The following RBFOX1 variants were observed in gnomAD, a reference collection of about 807,000 sequenced individuals.
RBFOX1 encodes the protein RNA binding fox-1 homolog 1.
Under a neutral mutation model 57.7 loss-of-function variants are expected in RBFOX1, and 8 were observed. That is an observed-to-expected ratio of 0.14 (90% CI 0.08 to 0.25). RBFOX1 has a LOEUF of 0.25. RBFOX1 is among the 10% of genes least tolerant of loss of function. RBFOX1 has a pLI of 1.00. For synonymous variants in RBFOX1, 326 were observed against 222.4 expected, an observed-to-expected ratio of 1.47 and a Z score of -4.15; for missense variants, 611 against 548.5, an observed-to-expected ratio of 1.11 and a Z score of -1.14.
chr16:6,836,812 T>TA lies in RBFOX1; in HGVS notation c.-16+182168dup, dbSNP rs965995921. Among the ~76,000 whole-genome samples the TA allele has an allele frequency of 1.5e-4, 23 of 152,192 alleles. 1 individual carries two copies. Among genetic ancestry groups the TA allele is most frequent in the Admixed American group, 9.8e-4 (15 of 15,284 alleles). ...GTAATTAGAAAGTACAGATGTTTTT[T>TA]AAAAAATCAAGTAAATATTATGTGT... On this transcript the variant is annotated intron_variant, in intron 3 of 15. Transcript: ENST00000550418.
At chr16:6,581,250 C>T (rs2097533372) in intron 2 of RBFOX1, among the ~76,000 whole-genome samples, 1 of 152,146 alleles carries the variant, frequency 6.6e-6, no homozygotes, top group African/African-American at 2.4e-5. Context: ...TTTGCAAAGT[C>T]TGGCCACTTT....
At chr16:7,304,495 G>T (rs1329165278) in intron 4 of RBFOX1, 4 of 985,124 alleles carry the variant, frequency 4.1e-6, no homozygotes, top group Non-Finnish European at 3.6e-6. Context: ...GGTAAGGCGC[G>T]CGTCTGCCCT....
chr16:5,913,683 C>T (rs1333366772), intron 4 of RBFOX1, among the ~76,000 whole-genome samples: 1 of 152,212 alleles, frequency 6.6e-6, no homozygotes, highest in Non-Finnish European at 1.5e-5. Context: ...CAATGCAAAA[C>T]AGGCTAACAC....
chr16:6,820,498 A>AT (rs2091081949), intron 3 of RBFOX1, among the ~76,000 whole-genome samples: 1 of 152,078 alleles, frequency 6.6e-6, no homozygotes, highest in South Asian at 2.1e-4. Flanking sequence ...CTACAGAAAA[A>AT]GTTTTTAAAA....
intron 3 of RBFOX1, among the ~76,000 whole-genome samples, chr16:5,692,827 G>A (rs1182781813): frequency 1.3e-5 from 2 of 152,248 alleles, no homozygotes; most frequent in Non-Finnish European, 1.5e-5. Context: ...TCTGCAAGCC[G>A]AGTAAGAAAG....
At chr16:6,029,634 G>T (rs376260265) in intron 1 of RBFOX1, among the ~76,000 whole-genome samples, 1 of 152,006 alleles carries the variant, frequency 6.6e-6, no homozygotes, top group Non-Finnish European at 1.5e-5. Context: ...TTAGCCGGGC[G>T]TGGTGGCGGG....
At chr16:6,381,824 A>G (rs577209811) in intron 2 of RBFOX1, among the ~76,000 whole-genome samples, 2 of 152,316 alleles carry the variant, frequency 1.3e-5, no homozygotes, top group African/African-American at 4.8e-5. Context: ...TCGCATTATC[A>G]TGCATTCACC....
In RBFOX1 at chr16:6,060,122, G is replaced by GTTTTTTGTTTTTTTTTTTTTTTTTTT. The variant is rs1567355465; in HGVS notation, c.-127+40136_-127+40137insGTTTTTTTTTTTTTTTTTTTTTTTTT. On this transcript the variant is annotated intron_variant, in intron 1 of 15. Coordinates refer to ENST00000550418, the MANE Select transcript of RBFOX1 (RefSeq NM_018723.4). The stretch of plus-strand genomic sequence containing the variant: ...ATTTGGCCCTAAAATTAGGATTAGG[G>GTTTTTTGTTTTTTTTTTTTTTTTTTT]TTTTTTTTTTTTTTTTTTTTTTTTT... 3.7e-4 allele frequency among the ~76,000 whole-genome samples: 42 copies of GTTTTTTGTTTTTTTTTTTTTTTTTTT among 114,202 alleles called. 3 individuals are homozygous for GTTTTTTGTTTTTTTTTTTTTTTTTTT. The highest frequency in any genetic ancestry group is 2.4e-3 in the East Asian group (9 of 3,786). The allele number at this position is 114,202 out of a possible 152,430, so 74.9% of individuals were successfully genotyped here. A position where few individuals can be genotyped will look rare whatever the true frequency, so the allele number is the denominator to read the frequency against.
chr16:7,291,072 T>A (rs556091082), intron 4 of RBFOX1, among the ~76,000 whole-genome samples: 1 of 152,320 alleles, frequency 6.6e-6, no homozygotes, highest in East Asian at 1.9e-4. Flanking sequence ...AGAGCATATA[T>A]TTGGAGATGT....
chr16:6,621,817 A>C (rs996087794), intron 2 of RBFOX1, among the ~76,000 whole-genome samples: 1 of 152,194 alleles, frequency 6.6e-6, no homozygotes, highest in Non-Finnish European at 1.5e-5. Context: ...TACCATTTAA[A>C]GACCACACAC....
At chr16:5,559,768 C>G (rs2045824365) in intron 2 of RBFOX1, among the ~76,000 whole-genome samples, 1 of 152,202 alleles carries the variant, frequency 6.6e-6, no homozygotes, top group Non-Finnish European at 1.5e-5. Flanking sequence ...AACCACTCCC[C>G]TCATCTTGCT....
chr16:7,000,689 C>G (rs576810166), intron 3 of RBFOX1, among the ~76,000 whole-genome samples: 2 of 145,170 alleles, frequency 1.4e-5, no homozygotes, highest in South Asian at 4.4e-4. Flanking sequence ...ACTGCAACCT[C>G]TGCCTACCGG....
At chr16:6,697,914 G>T (rs193206814) in intron 3 of RBFOX1, among the ~76,000 whole-genome samples, 35 of 152,250 alleles carry the variant, frequency 2.3e-4, no homozygotes, top group Non-Finnish European at 3.8e-4. Context: ...AAGACCAAAA[G>T]TCTCTTTTTT....
chr16:7,401,521 A>G (rs1037472073), intron 4 of RBFOX1, among the ~76,000 whole-genome samples: 1 of 152,220 alleles, frequency 6.6e-6, no homozygotes, highest in African/African-American at 2.4e-5. Context: ...AAATAGAAAA[A>G]TAAAAAGATA....
chr16:6,242,629 A>AACACAC (rs57154832), intron 1 of RBFOX1, among the ~76,000 whole-genome samples: 33,195 of 141,184 alleles, frequency 0.24, 3,872 homozygotes, highest in Middle Eastern at 0.28. Flanking sequence ...ATTTATTGCA[A>AACACAC]ACACACACAC....
chr16:6,963,128 A>T (rs1376148666), intron 3 of RBFOX1, among the ~76,000 whole-genome samples: 1 of 152,096 alleles, frequency 6.6e-6, no homozygotes, highest in Non-Finnish European at 1.5e-5. Context: ...CTCTGGGTGC[A>T]GGACTCTTTG....
chr16:6,143,766 C>T (rs1368155337), intron 1 of RBFOX1, among the ~76,000 whole-genome samples: 6 of 151,968 alleles, frequency 3.9e-5, no homozygotes, highest in Non-Finnish European at 8.8e-5. Context: ...TACCTGTGCA[C>T]CTGATACTTT....
intron 3 of RBFOX1, among the ~76,000 whole-genome samples, chr16:6,665,663 A>C (rs559008481): frequency 4.6e-5 from 7 of 151,706 alleles, no homozygotes; most frequent in Non-Finnish European, 1.0e-4. Context: ...GTGTCACCTA[A>C]TGAAACCTTG....
chr16:5,793,275 G>C (rs1428506901), intron 3 of RBFOX1, among the ~76,000 whole-genome samples: 1 of 152,234 alleles, frequency 6.6e-6, no homozygotes, highest in African/African-American at 2.4e-5. Flanking sequence ...GGCTGCCTCT[G>C]CTTCTCCCCT....
Sources: allele counts gnomAD v4.1 joint callset (sites outside exome capture counted in the v4.1 genomes callset), GRCh38; gene constraint gnomAD v4.1.1; transcripts MANE v1.5; gene names NCBI Gene and HGNC (gene_info 2026-07-23, HGNC 2026-07-21).